PEX14: variants seen among roughly 807,000 people sequenced by gnomAD.
PEX14 encodes the protein peroxisomal biogenesis factor 14.
In PEX14, 15 loss-of-function variants were observed where a neutral mutation model predicts 49.5. That is an observed-to-expected ratio of 0.30 (90% confidence interval 0.20 to 0.47). The LOEUF is 0.47. Among genes scored for constraint, PEX14 ranks in the 20% least tolerant of loss-of-function variants. The pLI, the probability that PEX14 is intolerant of heterozygous loss-of-function variation, is 1.00. For missense variants in PEX14, 398 were observed against 494.8 expected (o/e 0.80, Z 1.86); for synonymous variants, 210 against 212.7 (o/e 0.99, Z 0.11).
intron 2 of PEX14, among the ~76,000 whole-genome samples, chr1:10,525,919 T>C (rs1347556344): frequency 8.1e-3 from 1,012 of 124,368 alleles, no homozygotes; most frequent in Middle Eastern, 0.08. Flanking sequence ...CCACTGCGCC[T>C]GGCTGATTTT....
chr1:10,622,852 A>G (rs2124639027), intron 5 of PEX14, among the ~76,000 whole-genome samples, 167 bp from the exon 6 acceptor site: 1 of 152,324 alleles, frequency 6.6e-6, no homozygotes, highest in Admixed American at 6.5e-5. Context: ...CGTGGTTGTA[A>G]TCGCAGTCTC....
chr1:10,491,925 C>T (rs1311367790), intron 1 of PEX14, among the ~76,000 whole-genome samples: 2 of 151,966 alleles, frequency 1.3e-5, no homozygotes, highest in African/African-American at 2.4e-5. Context: ...TCAAGTGATT[C>T]GCTCACCTTG....
chr1:10,558,968 A>G (rs1163117181), intron 3 of PEX14, among the ~76,000 whole-genome samples: 1 of 151,846 alleles, frequency 6.6e-6, no homozygotes, highest in Non-Finnish European at 1.5e-5. Flanking sequence ...TTTCCATTAT[A>G]TTTTCTAATT....
intron 7 of PEX14, among the ~76,000 whole-genome samples, chr1:10,626,278 C>T (rs1488827313): frequency 1.3e-5 from 2 of 152,192 alleles, no homozygotes; most frequent in Non-Finnish European, 2.9e-5. Flanking sequence ...TGTTCATGGG[C>T]TGCTGTAGCT....
At chr1:10,510,795 T>C (rs1261676393) in intron 2 of PEX14, among the ~76,000 whole-genome samples, 3 of 152,228 alleles carry the variant, frequency 2.0e-5, no homozygotes, top group Admixed American at 6.5e-5. Flanking sequence ...CCTGGCGTCC[T>C]GCTAGGAACT....
rs1245698487 is a variant in PEX14 at position 10,624,321 on chromosome 1, G to C, written c.488-19G>C. Reference sequence around the variant, plus strand: ...GTGCCTGTGAATTTGCCAGCGCCGTGACTGCTTTCTCCTCGCAGTGACTCA... The same window carrying C: ...GTGCCTGTGAATTTGCCAGCGCCGTCACTGCTTTCTCCTCGCAGTGACTCA... On this transcript the variant is annotated intron_variant, in intron 6 of 8. Coordinates refer to ENST00000356607, the MANE Select transcript of PEX14 (RefSeq NM_004565.3). 1 of 1,556,652 alleles carries C rather than the reference G, an allele frequency of 6.4e-7. No homozygotes were observed. The highest frequency in any genetic ancestry group is 2.2e-5 in the East Asian group (1 of 44,632).
rs1641542885 is a variant in PEX14 at position 10,495,464 on chromosome 1, C to T, written c.84+143C>T. 15 of 712,444 alleles carry T rather than the reference C, an allele frequency of 2.1e-5. No individual in the cohort carries two copies. The highest frequency in any genetic ancestry group is 3.3e-5 in the Non-Finnish European group (13 of 396,490). The allele number at this position is 712,444 out of a possible 1,614,324, so 44.1% of individuals were successfully genotyped here. A position where few individuals can be genotyped will look rare whatever the true frequency, so the allele number is the denominator to read the frequency against. ...CCTAGAGACTGCCTCTGTCAGTGAC[C>T]TCTGACTTCTCTTCTCGCGTGTGGG... is the stretch of plus-strand genomic sequence containing the variant. On this transcript the variant is annotated intron_variant, in intron 2 of 8. Transcript: ENST00000356607. The surrounding 1 kb of genome is among the most constrained non-coding windows in gnomAD (Gnocchi z 4.2).
intron 3 of PEX14, among the ~76,000 whole-genome samples, chr1:10,569,522 C>A (rs1194974636): frequency 6.6e-6 from 1 of 152,164 alleles, no homozygotes; most frequent in Non-Finnish European, 1.5e-5. Flanking sequence ...CTGGGAAGAC[C>A]CTTTTCTCTA....
intron 2 of PEX14, among the ~76,000 whole-genome samples, chr1:10,526,215 C>T (rs1352018941): frequency 1.5e-4 from 22 of 147,070 alleles, no homozygotes; most frequent in African/African-American, 3.9e-4. Context: ...CCACTGCGCC[C>T]GGCTGATTTT....
intron 3 of PEX14, among the ~76,000 whole-genome samples, chr1:10,594,463 C>T (rs1413034455): frequency 6.6e-6 from 1 of 152,242 alleles, no homozygotes; most frequent in Non-Finnish European, 1.5e-5. Flanking sequence ...CACTGGCCCC[C>T]TGGCCCTGTT....
At chr1:10,525,920 G>A (rs916162946) in intron 2 of PEX14, among the ~76,000 whole-genome samples, 2 of 149,984 alleles carry the variant, frequency 1.3e-5, no homozygotes, top group African/African-American at 2.5e-5. Context: ...CACTGCGCCT[G>A]GCTGATTTTT....
At chr1:10,562,706 C>G (rs1557846179) in intron 3 of PEX14, among the ~76,000 whole-genome samples, 1 of 152,144 alleles carries the variant, frequency 6.6e-6, no homozygotes, top group African/African-American at 2.4e-5. Context: ...TTCTCCACTG[C>G]AGAGTTATAT....
At chr1:10,508,535 T>TG (rs1641828620) in intron 2 of PEX14, among the ~76,000 whole-genome samples, 1 of 152,116 alleles carries the variant, frequency 6.6e-6, no homozygotes, top group African/African-American at 2.4e-5. Context: ...GACTGACATA[T>TG]GGGCAACTTG....
At chr1:10,475,330 C>G (rs1299417883) in intron 1 of PEX14, among the ~76,000 whole-genome samples, 2 of 152,136 alleles carry the variant, frequency 1.3e-5, no homozygotes, top group African/African-American at 4.8e-5. Flanking sequence ...CCTTGAGCTG[C>G]GAGGGCTTGA....
intron 2 of PEX14, among the ~76,000 whole-genome samples, chr1:10,532,453 T>G (rs1387769403): frequency 6.6e-6 from 1 of 152,128 alleles, no homozygotes; most frequent in Non-Finnish European, 1.5e-5. Flanking sequence ...GTCTTTATTT[T>G]GATTAAACTA....
At chr1:10,584,385 C>T (rs989065097) in intron 3 of PEX14, among the ~76,000 whole-genome samples, 7 of 152,166 alleles carry the variant, frequency 4.6e-5, no homozygotes, top group Non-Finnish European at 8.8e-5. Context: ...ATCTGAGCTA[C>T]AGATATAAAT....
intron 3 of PEX14, among the ~76,000 whole-genome samples, chr1:10,540,883 A>T (rs1292808441): frequency 6.6e-6 from 1 of 152,040 alleles, no homozygotes; most frequent in Admixed American, 6.5e-5. Context: ...GGCCCTTCTG[A>T]TTTTTTGTTA....
chr1:10,622,624 C>T lies in PEX14; in HGVS notation c.385-395C>T, dbSNP rs141136315. ...AAGAGCTGCCCCGCCTCCCTCGCCTCCTGGAGGCTCCAGCATTATCTGTTG... is the reference window on the plus strand; with the variant it reads ...AAGAGCTGCCCCGCCTCCCTCGCCTTCTGGAGGCTCCAGCATTATCTGTTG... On this transcript the variant is annotated intron_variant, in intron 5 of 8. Transcript: ENST00000356607. 3.7e-4 allele frequency among the ~76,000 whole-genome samples: 56 copies of T among 152,338 alleles called. No individual in the cohort carries two copies. The East Asian group carries it at 0.01, about 28-fold the overall frequency.
intron 3 of PEX14, among the ~76,000 whole-genome samples, chr1:10,538,734 G>A (rs1009141980): frequency 6.6e-6 from 1 of 152,248 alleles, no homozygotes; most frequent in Non-Finnish European, 1.5e-5. Flanking sequence ...GTCCCTAACA[G>A]TAGTTGTGGC....
Sources: gnomAD v4.1 joint callset for allele counts (sites outside exome capture counted in the v4.1 genomes callset) on GRCh38, gnomAD v4.1.1 for gene constraint, Gnocchi (gnomAD v3.1) non-coding constraint, MANE v1.5 for transcripts, NCBI Gene and HGNC (gene_info 2026-07-23, HGNC 2026-07-21) for gene names.